The following PCAT7 variants were observed in gnomAD, a reference collection of about 807,000 sequenced individuals.
The protein encoded by PCAT7 is prostate cancer associated transcript 7, also known as prostate cancer associated transcript 7 (non-protein coding).
intron 2 of PCAT7, among the ~76,000 whole-genome samples, chr9:94,566,521 A>G (rs1011021400): frequency 6.6e-6 from 1 of 152,222 alleles, no homozygotes; most frequent in Non-Finnish European, 1.5e-5. Flanking sequence ...TATAGAAACA[A>G]TGCTAATGAC....
At position 94,555,695 on chromosome 9, in the gene PCAT7, A is replaced by G. The variant is rs1210752786; in HGVS notation, n.257+385A>G. ...AAGATAGCAAGTGGGAGAAGGAAAAAGAGGGTAACCAGCGGGAGGAAGACA... is the reference window on the plus strand; with the variant it reads ...AAGATAGCAAGTGGGAGAAGGAAAAGGAGGGTAACCAGCGGGAGGAAGACA... On this transcript the variant is annotated intron_variant and non_coding_transcript_variant, in intron 1 of 8. Coordinates refer to ENST00000647389, the Ensembl canonical transcript of PCAT7. Among the ~76,000 whole-genome samples, 3 of 151,370 alleles carry G rather than the reference A, an allele frequency of 2.0e-5. No homozygotes were observed. The South Asian group carries it at 6.3e-4, about 32-fold the overall frequency.
chr9:94,569,098 T>G (rs569237086), intron 2 of PCAT7: 1 of 152,412 alleles, frequency 6.6e-6, no homozygotes, highest in South Asian at 2.1e-4. Flanking sequence ...GATTTCTACT[T>G]CTGAAAAGTG....
intron 2 of PCAT7, among the ~76,000 whole-genome samples, chr9:94,560,759 T>C (rs1298321185): frequency 6.7e-6 from 1 of 148,184 alleles, no homozygotes; most frequent in Non-Finnish European, 1.5e-5. Context: ...TATATATTTA[T>C]ATAATGTTAT....
intron 2 of PCAT7, chr9:94,571,455 T>A (rs747653168): frequency 1.1e-5 from 17 of 1,607,926 alleles, no homozygotes; most frequent in Middle Eastern, 1.8e-4. Context: ...CCATATTCTG[T>A]ACCTACCGGG....
intron 2 of PCAT7, among the ~76,000 whole-genome samples, chr9:94,564,626 CAAA>C (rs1318672685): frequency 6.6e-6 from 1 of 151,930 alleles, no homozygotes; most frequent in African/African-American, 2.4e-5. Flanking sequence ...CACATGGACA[CAAA>C]GAGGGAAACA....
intron 2 of PCAT7, among the ~76,000 whole-genome samples, chr9:94,562,063 G>A (rs1827113942): frequency 1.3e-5 from 2 of 152,088 alleles, no homozygotes; most frequent in African/African-American, 4.8e-5. Context: ...TGTAATCCCA[G>A]CACTTTGGGA....
upstream of PCAT7, among the ~76,000 whole-genome samples, chr9:94,554,773 G>A (rs905329622): frequency 1.3e-5 from 2 of 152,172 alleles, no homozygotes; most frequent in Non-Finnish European, 2.9e-5. Context: ...GGGAGGGAGT[G>A]CCCCAGGCTC....
In PCAT7 at chr9:94,571,596, C is replaced by T. The variant is rs150017904; in HGVS notation, n.442-1383C>T. 1.1e-5 allele frequency: 18 copies of T among 1,612,114 alleles called. No individual in the cohort carries two copies. In the African/African-American group the frequency reaches 1.6e-4, roughly 14 times the overall value. ...GCATCCTTTTCAGAAGGCTCATCCT[C>T]TGAGGTCTGTGGAAGAGAGGGATAA... is the stretch of plus-strand genomic sequence containing the variant. On this transcript the variant is annotated intron_variant and non_coding_transcript_variant, in intron 2 of 8. Coordinates refer to ENST00000647389, the Ensembl canonical transcript of PCAT7.
At chr9:94,571,521 T>TACCGTGCA (rs1310762093) in intron 2 of PCAT7, 1 of 1,613,888 alleles carries the variant, frequency 6.2e-7, no homozygotes, top group East Asian at 2.2e-5. Flanking sequence ...AGGGTTGCAC[T>TACCGTGCA]ACCGTACAGC....
At chr9:94,564,267 A>G (rs1354378589) in intron 2 of PCAT7, among the ~76,000 whole-genome samples, 1 of 152,220 alleles carries the variant, frequency 6.6e-6, no homozygotes, top group Non-Finnish European at 1.5e-5. Context: ...AAAGAACTGA[A>G]CTCATACCAA....
upstream of PCAT7, among the ~76,000 whole-genome samples, chr9:94,554,826 G>T (rs571109044): frequency 1.3e-5 from 2 of 152,190 alleles, no homozygotes; most frequent in Admixed American, 1.3e-4. Flanking sequence ...AAGTGACGGA[G>T]CCTTCCAGTT....
intron 1 of PCAT7, chr9:94,558,699 G>A: frequency 4.2e-6 from 2 of 479,904 alleles, no homozygotes; most frequent in South Asian, 4.6e-5. Context: ...GTTTCTGACA[G>A]AAGACAAGCC....
chr9:94,566,024 G>A (rs989448136), intron 2 of PCAT7, among the ~76,000 whole-genome samples: 11 of 152,218 alleles, frequency 7.2e-5, no homozygotes, highest in African/African-American at 2.7e-4. Flanking sequence ...GCCCAGGAAA[G>A]TTCACCGTAG....
chr9:94,569,712 C>T (rs922718143), intron 2 of PCAT7: 1 of 152,242 alleles, frequency 6.6e-6, no homozygotes, highest in African/African-American at 2.4e-5. Context: ...CAAGAAACAA[C>T]AGCTCCCATT....
At chr9:94,565,789 TGATA>T (rs150023779) in intron 2 of PCAT7, among the ~76,000 whole-genome samples, 12,708 of 146,740 alleles carry the variant, frequency 0.087, 1,117 homozygotes, top group African/African-American at 0.22. Context: ...GATAGATAGA[TGATA>T]GATAGGTGAG....
chr9:94,559,979 A>C (rs554230593), intron 2 of PCAT7, among the ~76,000 whole-genome samples: 21 of 152,276 alleles, frequency 1.4e-4, no homozygotes, highest in African/African-American at 4.8e-4. Flanking sequence ...TTAAAAATTA[A>C]CCAGGTGTGG....
chr9:94,559,257 G>A (rs1827057908), intron 2 of PCAT7: 1 of 771,762 alleles, frequency 1.3e-6, no homozygotes, highest in Admixed American at 2.8e-5. Flanking sequence ...AGCGCACCAT[G>A]CACCTTGCAA....
intron 2 of PCAT7, chr9:94,568,390 C>G (rs1827224606): frequency 6.6e-6 from 1 of 152,176 alleles, no homozygotes; most frequent in South Asian, 2.1e-4. Context: ...TCAAATACCC[C>G]TATGTCTAGT....
intron 1 of PCAT7, among the ~76,000 whole-genome samples, chr9:94,556,372 T>G (rs1827012762): frequency 6.8e-6 from 1 of 147,426 alleles, no homozygotes. Flanking sequence ...AGCGGGAGAG[T>G]AGAGAAGGCT....
Sources: allele counts gnomAD v4.1 joint callset (sites outside exome capture counted in the v4.1 genomes callset), GRCh38; gene constraint gnomAD v4.1.1; transcripts MANE v1.5; gene names NCBI Gene and HGNC (gene_info 2026-07-23, HGNC 2026-07-21).